Variants in ADGRV1 observed in about 807,000 individuals in gnomAD.
ADGRV1 encodes the protein G-protein coupled receptor 98.
Under a neutral mutation model 596.2 loss-of-function variants are expected in ADGRV1, and 359 were observed. The ratio of observed to expected loss-of-function variants is 0.60; its 90% CI spans 0.55 to 0.66. ADGRV1 has a LOEUF of 0.66. Ranked by LOEUF, ADGRV1 falls within the 30% of genes least tolerant of loss-of-function variation. The pLI is 0.00. For synonymous variants in ADGRV1, 2,681 were observed against 2,679.2 expected, an observed-to-expected ratio of 1.00 and a Z score of -0.02; for missense variants, 7,274 against 7,575.6, an observed-to-expected ratio of 0.96 and a Z score of 1.48.
intron 83 of ADGRV1, among the ~76,000 whole-genome samples, chr5:90,964,358 A>T (rs1165754751): frequency 6.6e-6 from 1 of 152,142 alleles, no homozygotes; most frequent in Non-Finnish European, 1.5e-5. Flanking sequence ...ACGCTTATTG[A>T]TCATCTCTAT....
intron 85 of ADGRV1, among the ~76,000 whole-genome samples, chr5:91,072,021 A>G (rs1562178263): frequency 6.6e-6 from 1 of 152,124 alleles, no homozygotes; most frequent in Non-Finnish European, 1.5e-5. Context: ...GAGAAGTTAA[A>G]AAGTATATCT....
chr5:90,997,052 A>G (rs1299400936), intron 85 of ADGRV1, among the ~76,000 whole-genome samples: 6 of 152,156 alleles, frequency 3.9e-5, no homozygotes, highest in Admixed American at 6.5e-5. Context: ...TGACTCAGAT[A>G]AGATTTTGGA....
rs201377512 is a variant in ADGRV1, at chr5:90,628,820, C to T, written c.1497C>T (p.Ser499=). ...CAATACGAGGAGGTGCAGAAGTGAG[C>T]GAGCCAGCGGAGGTATAACCCTTGT... is the stretch of plus-strand genomic sequence containing the variant. The part of the protein sequence containing the change: ...PHTIRGGAEV[S]EPAELLFYIQ... Residue 499 remains serine, a synonymous_variant, in exon 8 of 90, where the codon AGC becomes AGT. Coordinates refer to ENST00000405460, the MANE Select transcript of ADGRV1 (RefSeq NM_032119.4). The T allele has an allele frequency of 3.2e-5, 52 of 1,613,758 alleles. 1 individual carries two copies. Among genetic ancestry groups the T allele is most frequent in the South Asian group, 2.9e-4 (26 of 91,050 alleles).
chr5:90,841,341 T>C (rs1199148236), intron 78 of ADGRV1, among the ~76,000 whole-genome samples: 3 of 152,136 alleles, frequency 2.0e-5, no homozygotes, highest in African/African-American at 7.2e-5. Context: ...TTTTAGTCCA[T>C]TAAGAAAAAG....
At chr5:91,147,207 T>C (rs1180524966) in intron 87 of ADGRV1, among the ~76,000 whole-genome samples, 1 of 150,922 alleles carries the variant, frequency 6.6e-6, no homozygotes, top group African/African-American at 2.4e-5. Context: ...AAAGATTTGT[T>C]AGTGAGATGT....
intron 52 of ADGRV1, among the ~76,000 whole-genome samples, chr5:90,748,967 C>T (rs1441319917): frequency 1.3e-5 from 2 of 152,140 alleles, no homozygotes; most frequent in African/African-American, 4.8e-5. Context: ...AGAACACTTA[C>T]AAGGCCTTCT....
At chr5:90,562,607 C>G (rs7736668) in intron 1 of ADGRV1, among the ~76,000 whole-genome samples, 9,599 of 152,200 alleles carry the variant, frequency 0.063, 882 homozygotes, top group African/African-American at 0.21. Flanking sequence ...GGTGCAGTCA[C>G]GCGTAAGTCT....
At chr5:90,946,976 A>C (rs1776632953) in intron 83 of ADGRV1, among the ~76,000 whole-genome samples, 1 of 152,198 alleles carries the variant, frequency 6.6e-6, no homozygotes, top group Non-Finnish European at 1.5e-5. Context: ...ATGGATATAT[A>C]CCCAAAAATG....
At chr5:90,783,657 G>A (rs1364180043) in intron 66 of ADGRV1, among the ~76,000 whole-genome samples, 181 bp from the exon 67 acceptor site, 1 of 152,164 alleles carries the variant, frequency 6.6e-6, no homozygotes, top group Non-Finnish European at 1.5e-5. Flanking sequence ...AACTGCCCTA[G>A]GTCATGTAAT....
intron 89 of ADGRV1, among the ~76,000 whole-genome samples, chr5:91,161,955 C>T (rs1221707635): frequency 2.0e-5 from 3 of 152,236 alleles, no homozygotes; most frequent in Non-Finnish European, 2.9e-5. Flanking sequence ...TCAGAGAAAG[C>T]GCTCCAAAAG....
intron 65 of ADGRV1, 46 bp downstream of exon 65, chr5:90,781,624 CA>C (rs1478048754): frequency 6.5e-7 from 1 of 1,548,990 alleles, no homozygotes; most frequent in South Asian, 1.2e-5. Context: ...TACCACTTTC[CA>C]AATTACATTA....
intron 83 of ADGRV1, among the ~76,000 whole-genome samples, chr5:90,901,929 A>G (rs932337971): frequency 6.6e-6 from 1 of 152,102 alleles, no homozygotes; most frequent in Non-Finnish European, 1.5e-5. Context: ...TGTAGTGTGA[A>G]TAGTGGCCTC....
At chr5:90,674,855 G>A (rs370857762) in intron 23 of ADGRV1, among the ~76,000 whole-genome samples, 2 of 152,108 alleles carry the variant, frequency 1.3e-5, no homozygotes, top group South Asian at 4.2e-4. Context: ...TTTAAGTGTT[G>A]CAACTCCTTT....
chr5:91,071,858 G>A (rs1474419320), intron 85 of ADGRV1, among the ~76,000 whole-genome samples: 1 of 151,816 alleles, frequency 6.6e-6, no homozygotes, highest in African/African-American at 2.4e-5. Flanking sequence ...TGTATTTTTA[G>A]TAGAGACGGG....
Position 90,684,193 on chromosome 5 carries a change from C to T in ADGRV1, c.6272C>T (p.Ser2091Leu). 1 of 1,605,992 alleles carries T rather than the reference C, an allele frequency of 6.2e-7. No individual in the cohort carries two copies. Among genetic ancestry groups the T allele is most frequent in the Admixed American group, 1.7e-5 (1 of 59,268 alleles). The change falls in exon 28 of 90, where the codon TCA becomes TTA. Residue 2091 changes from serine to leucine, a missense_variant and splice_region_variant. Physicochemically the swap from Ser to Leu is moderately radical, Grantham distance 145 (BLOSUM62 -2). Around this residue, in one of 5 missense-constraint regions of ADGRV1, gnomAD observed 3,643 missense variants for 3,809.2 expected, o/e 0.96. Transcript: ENST00000405460. Reference sequence around the variant, plus strand: ...TTAGTAGCGAAAGTACAGAGTCGTTCAAGTAAGTATCCCTTAGTGTGTTAT... The same window carrying T: ...TTAGTAGCGAAAGTACAGAGTCGTTTAAGTAAGTATCCCTTAGTGTGTTAT... ...STLVAKVQSR[S>L]IPNSPRLGPK...
At chr5:90,986,541 T>C (rs1405933153) in intron 85 of ADGRV1, among the ~76,000 whole-genome samples, 3 of 152,124 alleles carry the variant, frequency 2.0e-5, no homozygotes, top group African/African-American at 7.2e-5. Context: ...AGGCTAGCTA[T>C]GTAAAACACA....
At chr5:90,931,108 T>A (rs1775210527) in intron 83 of ADGRV1, 2 of 152,228 alleles carry the variant, frequency 1.3e-5, no homozygotes, top group Admixed American at 1.3e-4. Context: ...AGGAGGTACT[T>A]GCTGGAAGTG....
chr5:90,603,121 A>G (rs1242598867), intron 1 of ADGRV1, among the ~76,000 whole-genome samples: 1 of 152,222 alleles, frequency 6.6e-6, no homozygotes, highest in Non-Finnish European at 1.5e-5. Context: ...CCAAGTTCCC[A>G]GACCTCTACC....
intron 21 of ADGRV1, among the ~76,000 whole-genome samples, chr5:90,661,728 TGTTTGGGGATG>T (rs1190269216): frequency 6.6e-6 from 1 of 152,164 alleles, no homozygotes; most frequent in African/African-American, 2.4e-5. Flanking sequence ...AGTGAGAAAC[TGTTTGGGGATG>T]GTTTGATGAT....
Sources: gnomAD v4.1 joint callset for allele counts (sites outside exome capture counted in the v4.1 genomes callset) on GRCh38, gnomAD v4.1.1 for gene constraint, gnomAD v4.1.1 regional missense constraint, MANE v1.5 for transcripts, NCBI Gene and HGNC (gene_info 2026-07-23, HGNC 2026-07-21) for gene names.